The following ZHX3 variants were observed in gnomAD, a reference collection of about 807,000 sequenced individuals.
The protein encoded by ZHX3 is zinc fingers and homeoboxes protein 3.
ZHX3 carries 20 observed loss-of-function variants against 64.5 expected under a neutral mutation model. That is an observed-to-expected ratio of 0.31 (90% CI 0.22 to 0.45). The LOEUF is 0.45. ZHX3 is among the 20% of genes least tolerant of loss of function. The pLI is 1.00. For synonymous variants in ZHX3, 423 were observed against 461.6 expected (o/e 0.92, Z 1.07); for missense variants, 1,041 against 1,195.8 (o/e 0.87, Z 1.91).
chr20:41,213,548 A>G (rs2039313520), intron 2 of ZHX3, among the ~76,000 whole-genome samples: 5 of 152,180 alleles, frequency 3.3e-5, no homozygotes, highest in Admixed American at 2.0e-4. Flanking sequence ...TGGAAGTAGC[A>G]ACAACACAAA....
chr20:41,304,388 G>A (rs1050061810), intron 1 of ZHX3, among the ~76,000 whole-genome samples: 1 of 152,094 alleles, frequency 6.6e-6, no homozygotes, highest in African/African-American at 2.4e-5. Flanking sequence ...GGCTACACGT[G>A]CCTGCCAGTA....
intron 1 of ZHX3, among the ~76,000 whole-genome samples, chr20:41,271,337 A>C (rs1268041497): frequency 6.6e-6 from 1 of 152,206 alleles, no homozygotes; most frequent in South Asian, 2.1e-4. Context: ...TTTTTTTAGA[A>C]AAATAGCCAG....
chr20:41,236,454 A>G (rs1242594937), intron 2 of ZHX3, among the ~76,000 whole-genome samples: 3 of 152,246 alleles, frequency 2.0e-5, no homozygotes, highest in Admixed American at 6.5e-5. Flanking sequence ...CAGAGCCCTC[A>G]GAAATAATGC....
chr20:41,179,489 C>T lies in ZHX3; in HGVS notation c.*5702G>A, dbSNP rs1312420273. ...TGACAAGATCTCCCTAAACAAATTA[C>T]AGGATTCATAGGTACCATGTAGATT... is the stretch of plus-strand genomic sequence containing the variant. On this transcript the variant is annotated 3_prime_UTR_variant, in exon 4 of 4. Transcript: ENST00000683867. The surrounding 1 kb of genome is among the most constrained non-coding windows in gnomAD (Gnocchi z 4.3). The T allele has an allele frequency of 6.6e-6, 1 of 151,216 alleles. No homozygotes were observed. The highest frequency in any genetic ancestry group is 2.5e-5 in the African/African-American group (1 of 40,464). 9.4% of individuals were successfully genotyped at this position (151,216 alleles called of 1,614,324 possible).
intron 1 of ZHX3, among the ~76,000 whole-genome samples, chr20:41,293,820 T>C (rs1473782897): frequency 6.6e-6 from 1 of 152,218 alleles, no homozygotes; most frequent in Non-Finnish European, 1.5e-5. Flanking sequence ...AGACATTTCA[T>C]TCTACAAATG....
At position 41,200,007 on chromosome 20, in the gene ZHX3, T is replaced by C. The variant is rs186082467; in HGVS notation, c.2860+2050A>G. ...AGCCACCACACCTGGCCACAAAAAC[T>C]TGACTTTTGGAGGACAAAGTTGTTA... On this transcript the variant is annotated intron_variant, in intron 3 of 3. Coordinates refer to ENST00000683867, the MANE Select transcript of ZHX3 (RefSeq NM_001384317.1). This position sits in a 1 kb window ranked among gnomAD's most constrained non-coding sequence, Gnocchi z 4.2. Among the ~76,000 whole-genome samples, 523 of 152,246 alleles carry C rather than the reference T, an allele frequency of 3.4e-3. 6 individuals are homozygous for C. The highest frequency in any genetic ancestry group is 0.012 in the African/African-American group (495 of 41,550).
rs1042499501 is a variant in ZHX3, at chr20:41,195,300, G to A, written c.2860+6757C>T. ...CTGGCTTATTTTTTACTTTTTTGTA[G>A]AGACAGGATCCCACTTTGTTACCCA... On this transcript the variant is annotated intron_variant, in intron 3 of 3. Coordinates refer to ENST00000683867, the MANE Select transcript of ZHX3 (RefSeq NM_001384317.1). This position sits in a 1 kb window ranked among gnomAD's most constrained non-coding sequence, Gnocchi z 4.2. 3.3e-5 allele frequency among the ~76,000 whole-genome samples: 5 copies of A among 152,128 alleles called. No homozygotes were observed. Among genetic ancestry groups the A allele is most frequent in the Admixed American group, 6.6e-5 (1 of 15,266 alleles).
Position 41,212,999 on chromosome 20 carries a change from T to C in ZHX3, c.-150-7933A>G, listed in dbSNP as rs1286400374. 6.6e-6 allele frequency among the ~76,000 whole-genome samples: 1 copy of C among 152,134 alleles called. No individual in the cohort carries two copies. The highest frequency in any genetic ancestry group is 1.5e-5 in the Non-Finnish European group (1 of 68,020). On this transcript the variant is annotated intron_variant, in intron 2 of 3. Transcript: ENST00000683867. The surrounding 1 kb of genome is among the most constrained non-coding windows in gnomAD (Gnocchi z 4.3). ...AGCTGGTGAATGGGTAAGTAAAATA[T>C]GATATATCCATACGATGAATTCTTC... is the stretch of plus-strand genomic sequence containing the variant.
At chr20:41,314,726 G>T (rs1342155446) in intron 1 of ZHX3, among the ~76,000 whole-genome samples, 2 of 152,162 alleles carry the variant, frequency 1.3e-5, no homozygotes, top group African/African-American at 4.8e-5. Context: ...CTCAGATATA[G>T]ATGAGAAAGA....
chr20:41,200,149 A>G lies in ZHX3; in HGVS notation c.2860+1908T>C, dbSNP rs190840497. 2.6e-5 allele frequency among the ~76,000 whole-genome samples: 4 copies of G among 152,172 alleles called. No individual in the cohort carries two copies. The highest frequency in any genetic ancestry group is 4.4e-5 in the Non-Finnish European group (3 of 68,030). On this transcript the variant is annotated intron_variant, in intron 3 of 3. Coordinates refer to ENST00000683867, the MANE Select transcript of ZHX3 (RefSeq NM_001384317.1). This position sits in a 1 kb window ranked among gnomAD's most constrained non-coding sequence, Gnocchi z 4.2. ...TCAAAATTTGTAAGCCTCTCCATCA[A>G]GCTCTTCCCTGGATGTTGCAAGTGT...
intron 3 of ZHX3, among the ~76,000 whole-genome samples, chr20:41,196,450 T>TATTATATAAATATATA (rs2037591783): frequency 5.9e-5 from 1 of 16,972 alleles, no homozygotes; most frequent in African/African-American, 2.4e-4. Context: ...ATATTATATA[T>TATTATATAAATATATA]AATATATTTA....
chr20:41,242,678 C>T (rs1232257088), intron 2 of ZHX3, among the ~76,000 whole-genome samples: 2 of 152,128 alleles, frequency 1.3e-5, no homozygotes, highest in Non-Finnish European at 2.9e-5. Flanking sequence ...GCCTTAAGAC[C>T]TTTCAAAGTT....
At chr20:41,240,918 A>G (rs1292806484) in intron 2 of ZHX3, among the ~76,000 whole-genome samples, 5 of 152,204 alleles carry the variant, frequency 3.3e-5, no homozygotes, top group Non-Finnish European at 7.3e-5. Flanking sequence ...TCATCTGTTG[A>G]TGGGCACATA....
At chr20:41,278,398 T>C (rs911834663) in intron 1 of ZHX3, among the ~76,000 whole-genome samples, 1 of 139,474 alleles carries the variant, frequency 7.2e-6, no homozygotes, top group Non-Finnish European at 1.6e-5. Context: ...GCCAAAACTA[T>C]CCACTACCAA....
intron 2 of ZHX3, among the ~76,000 whole-genome samples, chr20:41,264,542 A>G (rs2042736561): frequency 6.7e-6 from 1 of 148,698 alleles, no homozygotes; most frequent in African/African-American, 2.5e-5. Flanking sequence ...CTGGGCAACA[A>G]GAGTGAAACT....
Position 41,204,608 on chromosome 20 carries a change from A to G in ZHX3, c.309T>C (p.Phe103=), listed in dbSNP as rs919446255. ...VGHMNSEHTD[F]NKDPTFVCSG... Reference sequence around the variant, plus strand: ...TGCATACAAAGGTTGGGTCTTTATTAAAGTCTGTGTGCTCTGAGTTCATAT... The same window carrying G: ...TGCATACAAAGGTTGGGTCTTTATTGAAGTCTGTGTGCTCTGAGTTCATAT... The change falls in exon 3 of 4, where the codon TTT becomes TTC. Residue 103 remains phenylalanine (F), a synonymous_variant. Transcript: ENST00000683867. This position sits in a 1 kb window ranked among gnomAD's most constrained non-coding sequence, Gnocchi z 6.6. 1 of 1,614,132 alleles carries G rather than the reference A, an allele frequency of 6.2e-7. No homozygotes were observed. Among genetic ancestry groups the G allele is most frequent in the African/African-American group, 1.3e-5 (1 of 74,958 alleles).
intron 2 of ZHX3, among the ~76,000 whole-genome samples, chr20:41,210,681 A>G (rs2039091493): frequency 6.6e-6 from 1 of 152,122 alleles, no homozygotes; most frequent in South Asian, 2.1e-4. Context: ...GGAACATCAC[A>G]CACCACGGCC....
intron 1 of ZHX3, among the ~76,000 whole-genome samples, chr20:41,287,261 C>A (rs2043983540): frequency 6.6e-6 from 1 of 152,146 alleles, no homozygotes; most frequent in Non-Finnish European, 1.5e-5. Flanking sequence ...CTGACTACAC[C>A]ACCCCAAGTA....
At chr20:41,277,623 G>C (rs550574563) in intron 1 of ZHX3, among the ~76,000 whole-genome samples, 3 of 148,862 alleles carry the variant, frequency 2.0e-5, no homozygotes, top group Admixed American at 2.0e-4. Context: ...ACAGAGTCTC[G>C]CTCTGTCGCC....
Sources: gnomAD v4.1 joint callset for allele counts (sites outside exome capture counted in the v4.1 genomes callset) on GRCh38, gnomAD v4.1.1 for gene constraint, Gnocchi (gnomAD v3.1) non-coding constraint, MANE v1.5 for transcripts, NCBI Gene and HGNC (gene_info 2026-07-23, HGNC 2026-07-21) for gene names.